The following LRRN1 variants were observed in gnomAD, a reference collection of about 807,000 sequenced individuals.
LRRN1 encodes the protein leucine rich repeat neuronal 1.
Under a neutral mutation model 45.8 loss-of-function variants are expected in LRRN1, and 14 were observed. The observed-to-expected ratio is 0.31, with a 90% confidence interval of 0.20 to 0.48. The LOEUF is 0.48. Among genes scored for constraint, LRRN1 ranks in the 20% least tolerant of loss-of-function variants. LRRN1 has a pLI of 0.99. For missense variants in LRRN1, 789 were observed against 874.2 expected, an observed-to-expected ratio of 0.90 and a Z score of 1.23; for synonymous variants, 359 against 330.1, an observed-to-expected ratio of 1.09 and a Z score of -0.95.
chr3:3,810,709 T>C (rs530112291), intron 1 of LRRN1, among the ~76,000 whole-genome samples: 2 of 152,054 alleles, frequency 1.3e-5, no homozygotes, highest in African/African-American at 4.8e-5. Context: ...GTTGTCTCTT[T>C]AAGAAAAGGA....
intron 1 of LRRN1, among the ~76,000 whole-genome samples, chr3:3,834,535 T>G (rs1276662308): frequency 9.2e-6 from 1 of 108,730 alleles, no homozygotes; most frequent in African/African-American, 3.5e-5. Context: ...GATATATATA[T>G]ATATATATAT....
chr3:3,833,138 A>C (rs79155498), intron 1 of LRRN1, among the ~76,000 whole-genome samples: 3,465 of 152,280 alleles, frequency 0.023, 124 homozygotes, highest in East Asian at 0.14. Context: ...CTGCCCTCAC[A>C]AATCTATTTT....
intron 1 of LRRN1, among the ~76,000 whole-genome samples, chr3:3,832,602 A>T (rs1307092001): frequency 6.6e-6 from 1 of 152,154 alleles, no homozygotes; most frequent in East Asian, 1.9e-4. Flanking sequence ...CCCTGGTAAA[A>T]TGCTGGAGGT....
rs887381003 is a variant in LRRN1, at chr3:3,848,837, T to C, written c.*2045T>C. Among the ~76,000 whole-genome samples, 7 of 152,192 alleles carry C rather than the reference T, an allele frequency of 4.6e-5. No individual in the cohort carries two copies. Among genetic ancestry groups the C allele is most frequent in the African/African-American group, 1.7e-4 (7 of 41,448 alleles). ...CCTGTGCAGGGCCCCTCTTTTGCAG[T>C]TCTGAATAACCTCTAGTGCCCCTGC... On this transcript the variant is annotated 3_prime_UTR_variant, in exon 2 of 2. Coordinates refer to ENST00000319331, the MANE Select transcript of LRRN1 (RefSeq NM_020873.7).
At chr3:3,820,156 T>A (rs771881801) in intron 1 of LRRN1, among the ~76,000 whole-genome samples, 1 of 152,222 alleles carries the variant, frequency 6.6e-6, no homozygotes, top group Admixed American at 6.5e-5. Flanking sequence ...TGCTAGTTTT[T>A]AGAATTACTT....
At chr3:3,828,150 A>C (rs200578025) in intron 1 of LRRN1, among the ~76,000 whole-genome samples, 1 of 135,270 alleles carries the variant, frequency 7.4e-6, no homozygotes, top group South Asian at 2.4e-4. Flanking sequence ...ATATATATAT[A>C]TATTATATAT....
intron 1 of LRRN1, among the ~76,000 whole-genome samples, chr3:3,828,149 TATATTA>T (rs1559297517): frequency 7.0e-6 from 1 of 141,942 alleles, no homozygotes; most frequent in Non-Finnish European, 1.6e-5. Flanking sequence ...TATATATATA[TATATTA>T]TATATATATC....
At chr3:3,829,509 A>C in intron 1 of LRRN1, among the ~76,000 whole-genome samples, 1 of 152,146 alleles carries the variant, frequency 6.6e-6, no homozygotes, top group East Asian at 1.9e-4. Context: ...ATTACCATGT[A>C]TTGGATGCTG....
At chr3:3,805,095 G>A (rs929791573) in intron 1 of LRRN1, among the ~76,000 whole-genome samples, 3 of 152,138 alleles carry the variant, frequency 2.0e-5, no homozygotes, top group Admixed American at 6.5e-5. Flanking sequence ...GTGAGATAAT[G>A]TATTAGCATA....
chr3:3,828,112 G>A (rs543060013), intron 1 of LRRN1, among the ~76,000 whole-genome samples: 1 of 139,732 alleles, frequency 7.2e-6, no homozygotes, highest in Non-Finnish European at 1.5e-5. Context: ...GTGTGTTAGG[G>A]TTCTCTTAGA....
intron 1 of LRRN1, among the ~76,000 whole-genome samples, chr3:3,839,459 T>C (rs1023015999): frequency 6.6e-6 from 1 of 152,178 alleles, no homozygotes; most frequent in African/African-American, 2.4e-5. Flanking sequence ...TCAGGATTAC[T>C]TTGGCAATTT....
intron 1 of LRRN1, among the ~76,000 whole-genome samples, chr3:3,800,525 T>A (rs1575274473): frequency 6.6e-6 from 1 of 152,098 alleles, no homozygotes; most frequent in East Asian, 1.9e-4. Context: ...TACCGAACTC[T>A]CGGCGGTCCA....
chr3:3,846,517 C>T lies in LRRN1; in HGVS notation c.1876C>T (p.Gln626Ter), dbSNP rs1693782463. Residue 626 changes from glutamine to a stop codon, truncating the protein, a stop_gained, in exon 2 of 2, where the codon CAA becomes TAA. Transcript: ENST00000319331. LOFTEE classifies it high-confidence loss of function. This position sits in a 1 kb window ranked among gnomAD's most constrained non-coding sequence, Gnocchi z 5.7. ...NAAFAVDISD[Q>*]ETSTALAAVM... is the part of the protein sequence containing the mutation. ...CGCCTTCGCAGTGGACATCTCTGAT[C>T]AAGAAACCAGTACAGCCCTTGCTGC... 1 of 1,614,178 alleles carries T rather than the reference C, an allele frequency of 6.2e-7. No homozygotes were observed. Among genetic ancestry groups the T allele is most frequent in the Non-Finnish European group, 8.5e-7 (1 of 1,180,032 alleles).
intron 1 of LRRN1, among the ~76,000 whole-genome samples, chr3:3,839,289 T>C (rs948344777): frequency 3.3e-5 from 5 of 152,136 alleles, no homozygotes; most frequent in Non-Finnish European, 7.4e-5. Context: ...GGCACCCTTG[T>C]CAAAGATCAT....
chr3:3,817,562 G>A (rs1693013205), intron 1 of LRRN1, among the ~76,000 whole-genome samples: 1 of 152,178 alleles, frequency 6.6e-6, no homozygotes, highest in Non-Finnish European at 1.5e-5. Context: ...ATATGTTCTT[G>A]ACATTTTCTT....
chr3:3,823,475 C>T (rs1693149283), intron 1 of LRRN1, among the ~76,000 whole-genome samples: 1 of 151,972 alleles, frequency 6.6e-6, no homozygotes, highest in Non-Finnish European at 1.5e-5. Flanking sequence ...GTTTTCAGGA[C>T]ATAAATTAAT....
At chr3:3,822,087 C>G (rs1160090130) in intron 1 of LRRN1, among the ~76,000 whole-genome samples, 1 of 152,222 alleles carries the variant, frequency 6.6e-6, no homozygotes, top group Non-Finnish European at 1.5e-5. Context: ...CTCAACCACT[C>G]TGCTGTACTA....
In LRRN1 at chr3:3,839,404, A is replaced by G. The variant is rs566786790; in HGVS notation, c.-278-4960A>G. On this transcript the variant is annotated intron_variant, in intron 1 of 1. Coordinates refer to ENST00000319331, the MANE Select transcript of LRRN1 (RefSeq NM_020873.7). ...ATCTTGATTACTGTTGCCTTACAGT[A>G]TGTATTGAAATCAAGAAGTGTGAAG... Among the ~76,000 whole-genome samples the G allele has an allele frequency of 3.3e-5, 5 of 152,268 alleles. No homozygotes were observed. In the South Asian group the frequency reaches 6.2e-4, roughly 19 times the overall value.
chr3:3,846,187 G>T lies in LRRN1; in HGVS notation c.1546G>T (p.Val516Phe). 3 of 1,614,142 alleles carry T rather than the reference G, an allele frequency of 1.9e-6. No individual in the cohort carries two copies. Among genetic ancestry groups the T allele is most frequent in the Non-Finnish European group, 2.5e-6 (3 of 1,180,018 alleles). The change falls in exon 2 of 2, where the codon GTT (valine) becomes TTT (phenylalanine). Residue 516 changes from valine (V) to phenylalanine (F), a missense_variant. Coordinates refer to ENST00000319331, the MANE Select transcript of LRRN1 (RefSeq NM_020873.7). This position sits in a 1 kb window ranked among gnomAD's most constrained non-coding sequence, Gnocchi z 5.7. ...GADTRVATIK[V>F]NGTLLDGTQV... ...AGACACTCGGGTGGCAACAATTAAG[G>T]TTAATGGGACCCTTCTGGATGGTAC...
Sources: gnomAD v4.1 joint callset for allele counts (sites outside exome capture counted in the v4.1 genomes callset) on GRCh38, gnomAD v4.1.1 for gene constraint, Gnocchi (gnomAD v3.1) non-coding constraint, MANE v1.5 for transcripts, NCBI Gene and HGNC (gene_info 2026-07-23, HGNC 2026-07-21) for gene names.